Variants in SUPT3H observed in about 807,000 individuals in gnomAD.
SUPT3H encodes the protein SPT3 homolog, SAGA and STAGA complex component, also known as transcription initiation protein SPT3 homolog.
Under a neutral mutation model 44.3 loss-of-function variants are expected in SUPT3H, and 44 were observed. The ratio of observed to expected loss-of-function variants is 0.99; its 90% confidence interval spans 0.78 to 1.28. SUPT3H has a LOEUF of 1.28. Among genes scored for constraint, SUPT3H ranks in the 50% most tolerant of loss-of-function variants. The pLI is 0.00. For missense variants in SUPT3H, 380 were observed against 387.1 expected, an observed-to-expected ratio of 0.98 and a Z score of 0.15; for synonymous variants, 124 against 125.6, an observed-to-expected ratio of 0.99 and a Z score of 0.09.
intron 2 of SUPT3H, among the ~76,000 whole-genome samples, chr6:45,305,858 G>A (rs1782905389): frequency 6.6e-6 from 1 of 152,186 alleles, no homozygotes. Context: ...CATCACCTTA[G>A]TGAGCAACTT....
chr6:44,983,875 T>C (rs1779425984), intron 6 of SUPT3H, among the ~76,000 whole-genome samples: 1 of 152,216 alleles, frequency 6.6e-6, no homozygotes, highest in Non-Finnish European at 1.5e-5. Flanking sequence ...TCTATTTACT[T>C]TTTCATTAGG....
At chr6:45,027,724 G>GGGAAATAAATTTTT (rs1786247699) in intron 3 of SUPT3H, among the ~76,000 whole-genome samples, 1 of 152,102 alleles carries the variant, frequency 6.6e-6, no homozygotes. Context: ...AAGGGTGCAA[G>GGGAAATAAATTTTT]GGAAATAAAT....
At chr6:45,166,894 G>A (rs531836810) in intron 2 of SUPT3H, among the ~76,000 whole-genome samples, 153 of 152,264 alleles carry the variant, frequency 1.0e-3, no homozygotes, top group Non-Finnish European at 1.8e-3. Context: ...ACGAAGATAT[G>A]AGTAACTAGA....
At chr6:45,139,756 G>A (rs1804867259) in intron 2 of SUPT3H, among the ~76,000 whole-genome samples, 2 of 152,132 alleles carry the variant, frequency 1.3e-5, no homozygotes, top group Non-Finnish European at 2.9e-5. Flanking sequence ...TATAACATGA[G>A]CACAGGGAAG....
At chr6:44,922,998 A>G (rs1284936439) in intron 10 of SUPT3H, among the ~76,000 whole-genome samples, 1 of 152,040 alleles carries the variant, frequency 6.6e-6, no homozygotes, top group Admixed American at 6.6e-5. Flanking sequence ...CCATTCCTCC[A>G]GAAGACAGCA....
At chr6:45,121,796 C>T (rs1379981966) in intron 2 of SUPT3H, among the ~76,000 whole-genome samples, 1 of 152,060 alleles carries the variant, frequency 6.6e-6, no homozygotes, top group African/African-American at 2.4e-5. Context: ...CTGCCTCAGT[C>T]TCCTGAGTAG....
chr6:45,290,919 G>A (rs149611530), intron 2 of SUPT3H, among the ~76,000 whole-genome samples: 2 of 152,300 alleles, frequency 1.3e-5, no homozygotes, highest in East Asian at 3.9e-4. Context: ...CTAGACTGCA[G>A]CTCTAACTCG....
At chr6:44,893,716 T>C (rs1442034111) in intron 10 of SUPT3H, among the ~76,000 whole-genome samples, 1 of 148,518 alleles carries the variant, frequency 6.7e-6, no homozygotes, top group East Asian at 2.0e-4. Context: ...GCATGATTTA[T>C]AGTCCTTTGG....
At chr6:44,847,751 G>A (rs184426099) in intron 10 of SUPT3H, among the ~76,000 whole-genome samples, 116 of 152,148 alleles carry the variant, frequency 7.6e-4, no homozygotes, top group African/African-American at 2.7e-3. Flanking sequence ...GCCTCCCAAA[G>A]TGCTGGGATT....
chr6:45,186,696 C>T (rs9395079), intron 2 of SUPT3H, among the ~76,000 whole-genome samples: 60,900 of 151,932 alleles, frequency 0.4, 12,584 homozygotes, highest in East Asian at 0.71. Context: ...AGGTACACCA[C>T]TCTTACCTTC....
chr6:45,276,266 TTATA>T (rs1777000920), intron 2 of SUPT3H, among the ~76,000 whole-genome samples: 1 of 151,996 alleles, frequency 6.6e-6, no homozygotes, highest in Admixed American at 6.6e-5. Flanking sequence ...TAAATGGAGT[TTATA>T]TATTAGTACC....
intron 2 of SUPT3H, among the ~76,000 whole-genome samples, chr6:45,175,973 T>A (rs1350025261): frequency 1.3e-5 from 2 of 152,148 alleles, no homozygotes; most frequent in East Asian, 3.9e-4. Context: ...ATATCTCCAA[T>A]ATAACTGAAT....
Position 45,173,358 on chromosome 6 carries a change from T to C in SUPT3H, c.102-67352A>G, listed in dbSNP as rs773094948. On this transcript the variant is annotated intron_variant, in intron 2 of 10. Coordinates refer to ENST00000371459, the MANE Select transcript of SUPT3H (RefSeq NM_003599.4). Reference sequence around the variant, plus strand: ...TACAAACACAAGCTCATTTTATTAATAAAAGCAGTTAACACAGTACTGAGT... The same window carrying C: ...TACAAACACAAGCTCATTTTATTAACAAAAGCAGTTAACACAGTACTGAGT... Among the ~76,000 whole-genome samples, 80 of 152,200 alleles carry C rather than the reference T, an allele frequency of 5.3e-4. 1 individual carries two copies. The highest frequency in any genetic ancestry group is 7.3e-5 in the Non-Finnish European group (5 of 68,036).
At chr6:45,187,275 C>T (rs547100984) in intron 2 of SUPT3H, among the ~76,000 whole-genome samples, 6 of 152,008 alleles carry the variant, frequency 3.9e-5, no homozygotes, top group Non-Finnish European at 5.9e-5. Context: ...ATTAGCTGGA[C>T]CAGGTGGCGG....
intron 6 of SUPT3H, among the ~76,000 whole-genome samples, chr6:44,999,476 CA>C (rs1242806863): frequency 1.3e-5 from 2 of 151,936 alleles, no homozygotes; most frequent in Admixed American, 6.6e-5. Flanking sequence ...ACAGCCATTA[CA>C]TATAATTGAA....
At chr6:45,061,967 T>C (rs1792158602) in intron 3 of SUPT3H, among the ~76,000 whole-genome samples, 1 of 150,486 alleles carries the variant, frequency 6.6e-6, no homozygotes, top group South Asian at 2.1e-4. Context: ...ATGTGTTATA[T>C]GAACACTTAC....
At chr6:44,863,615 C>T (rs1165066466) in intron 10 of SUPT3H, among the ~76,000 whole-genome samples, 1 of 152,000 alleles carries the variant, frequency 6.6e-6, no homozygotes, top group Non-Finnish European at 1.5e-5. Context: ...AGGGTGGCTG[C>T]AGCAGAATGA....
chr6:45,191,555 T>C (rs1164963705), intron 2 of SUPT3H, among the ~76,000 whole-genome samples: 1 of 152,074 alleles, frequency 6.6e-6, no homozygotes, highest in Non-Finnish European at 1.5e-5. Context: ...TCCTAAACTA[T>C]GAACTTTAGT....
At chr6:44,957,293 G>A (rs982927365) in intron 7 of SUPT3H, among the ~76,000 whole-genome samples, 3 of 151,972 alleles carry the variant, frequency 2.0e-5, no homozygotes, top group African/African-American at 7.3e-5. Flanking sequence ...TCCTGCTATC[G>A]AAGCATATAC....
Sources: allele counts gnomAD v4.1 joint callset (sites outside exome capture counted in the v4.1 genomes callset), GRCh38; gene constraint gnomAD v4.1.1; transcripts MANE v1.5; gene names NCBI Gene and HGNC (gene_info 2026-07-23, HGNC 2026-07-21).